Variants in PAX3 observed in about 807,000 individuals in gnomAD.
The protein encoded by PAX3 is paired box 3, also known as paired box protein Pax-3.
Under a neutral mutation model 51.6 loss-of-function variants are expected in PAX3, and 14 were observed. That is an observed-to-expected ratio of 0.27 (90% CI 0.18 to 0.42). The LOEUF (loss-of-function observed/expected upper bound fraction) is 0.42, where lower values mean the gene tolerates loss of function less well. Ranked by LOEUF, PAX3 falls within the 10% of genes least tolerant of loss-of-function variation. The pLI is 1.00. For missense variants in PAX3, 540 were observed against 642.8 expected, an observed-to-expected ratio of 0.84 and a Z score of 1.73; for synonymous variants, 280 against 253.4, an observed-to-expected ratio of 1.11 and a Z score of -1.00.
intron 4 of PAX3, chr2:222,233,096 AAAAAAAAAAAAAG>A: frequency 6.8e-6 from 1 of 147,684 alleles, no homozygotes; most frequent in Admixed American, 6.9e-5. Flanking sequence ...AAAAAAAAAA[AAAAAAAAAAAAAG>A]TATGATCCCT....
intron 7 of PAX3, among the ~76,000 whole-genome samples, chr2:222,212,622 A>AACACACAC (rs57019405): frequency 8.1e-5 from 12 of 148,038 alleles, no homozygotes; most frequent in African/African-American, 1.7e-4. Flanking sequence ...TGGAAAAACA[A>AACACACAC]ACACACACAC....
chr2:222,253,885 G>A (rs1202805094), intron 4 of PAX3, among the ~76,000 whole-genome samples: 1 of 152,056 alleles, frequency 6.6e-6, no homozygotes, highest in African/African-American at 2.4e-5. Context: ...AAACTCCTGG[G>A]CACAAGCAAT....
chr2:222,236,355 A>G (rs1408353335), intron 4 of PAX3, among the ~76,000 whole-genome samples: 3 of 152,116 alleles, frequency 2.0e-5, no homozygotes, highest in Middle Eastern at 6.3e-3. Flanking sequence ...CAGCCTCCCA[A>G]ATAGCTGGGA....
chr2:222,239,135 T>C (rs1435114489), intron 4 of PAX3, among the ~76,000 whole-genome samples: 2 of 152,216 alleles, frequency 1.3e-5, no homozygotes, highest in South Asian at 2.1e-4. Flanking sequence ...GGATTTTTGT[T>C]GACTTATTTG....
chr2:222,285,833 T>C (rs45559733), intron 4 of PAX3, among the ~76,000 whole-genome samples: 328 of 152,362 alleles, frequency 2.2e-3, no homozygotes, highest in African/African-American at 7.6e-3. Context: ...ATCCATATGA[T>C]CCTGTAAATT....
intron 4 of PAX3, among the ~76,000 whole-genome samples, chr2:222,292,183 G>C (rs981188873): frequency 1.8e-4 from 28 of 152,204 alleles, no homozygotes; most frequent in African/African-American, 6.5e-4. Flanking sequence ...AAAACTTCCC[G>C]GCGCAGCAGC....
At chr2:222,229,695 C>A (rs1692514071) in intron 5 of PAX3, among the ~76,000 whole-genome samples, 1 of 152,196 alleles carries the variant, frequency 6.6e-6, no homozygotes, top group Non-Finnish European at 1.5e-5. Flanking sequence ...CTTCCACCAC[C>A]CTACCACTCC....
intron 5 of PAX3, among the ~76,000 whole-genome samples, chr2:222,227,987 T>A: frequency 6.6e-6 from 1 of 152,180 alleles, no homozygotes; most frequent in Non-Finnish European, 1.5e-5. Flanking sequence ...GGGGGGTGTT[T>A]CGTGTTTGGT....
intron 4 of PAX3, among the ~76,000 whole-genome samples, chr2:222,241,118 G>A (rs1464483101): frequency 1.3e-5 from 2 of 152,174 alleles, no homozygotes; most frequent in Non-Finnish European, 2.9e-5. Flanking sequence ...TCTAAAAGCA[G>A]TAAGCTAAAT....
chr2:222,225,344 A>C (rs1692345941), intron 5 of PAX3, among the ~76,000 whole-genome samples: 1 of 152,170 alleles, frequency 6.6e-6, no homozygotes, highest in Non-Finnish European at 1.5e-5. Context: ...CTAGTAGTAT[A>C]ATGTCCAATG....
At chr2:222,290,523 A>G (rs181648710) in intron 4 of PAX3, among the ~76,000 whole-genome samples, 101 of 152,230 alleles carry the variant, frequency 6.6e-4, no homozygotes, top group African/African-American at 2.3e-3. Context: ...GTCTTATGAG[A>G]GTGTATCGCC....
At chr2:222,233,125 A>G (rs911424204) in intron 4 of PAX3, 2 of 149,766 alleles carry the variant, frequency 1.3e-5, no homozygotes, top group African/African-American at 4.9e-5. Flanking sequence ...TCCCTTTTGT[A>G]AAAAAATATT....
intron 2 of PAX3, 75 bp from the exon 3 acceptor site, chr2:222,295,732 G>T: frequency 6.4e-7 from 1 of 1,550,958 alleles, no homozygotes; most frequent in Non-Finnish European, 8.9e-7. Flanking sequence ...CCGCCTCTGG[G>T]CCTGTCGGGA....
intron 7 of PAX3, among the ~76,000 whole-genome samples, chr2:222,216,603 A>G (rs1398298484): frequency 6.6e-6 from 1 of 152,200 alleles, no homozygotes; most frequent in Non-Finnish European, 1.5e-5. Flanking sequence ...GAGGGCATCT[A>G]TGATGCGCCA....
In PAX3 at chr2:222,221,301, C is replaced by A. The variant is rs45522331; in HGVS notation, c.879G>T (p.Gly293=). 1.2e-3 allele frequency: 1,873 copies of A among 1,613,790 alleles called. 20 individuals are homozygous for A. The African/African-American group carries it at 0.023, about 20-fold the overall frequency. ...AGGTCGGCATGGCAGTGGGAGGGAACCCCCCGGGAATGAGATGGTTGAAAG... is the reference window on the plus strand; with the variant it reads ...AGGTCGGCATGGCAGTGGGAGGGAAACCCCCGGGAATGAGATGGTTGAAAG... ...LMAFNHLIPG[G]FPPTAMPTLP... The change falls in exon 6 of 9, where the codon GGG becomes GGT. Residue 293 remains glycine, a synonymous_variant. Transcript: ENST00000392070.
chr2:222,280,521 G>A (rs950741546), intron 4 of PAX3, among the ~76,000 whole-genome samples: 3 of 152,120 alleles, frequency 2.0e-5, no homozygotes, highest in Non-Finnish European at 2.9e-5. Context: ...AAGGTATGCC[G>A]GGAAATGAGT....
intron 5 of PAX3, among the ~76,000 whole-genome samples, chr2:222,225,109 G>C (rs1692336160): frequency 6.6e-6 from 1 of 152,180 alleles, no homozygotes; most frequent in Non-Finnish European, 1.5e-5. Context: ...GCACAAATTT[G>C]TCAGTAACCT....
intron 4 of PAX3, among the ~76,000 whole-genome samples, chr2:222,241,233 C>T (rs1461188449): frequency 1.3e-5 from 2 of 152,142 alleles, no homozygotes. Flanking sequence ...GGCCAAGTGA[C>T]TTTTATTTAC....
chr2:222,295,847 T>G (rs1445685128), intron 2 of PAX3, among the ~76,000 whole-genome samples, 190 bp from the exon 3 acceptor site: 1 of 151,984 alleles, frequency 6.6e-6, no homozygotes, highest in Non-Finnish European at 1.5e-5. Context: ...TCCCATCCCA[T>G]CCCGGAGCAG....
Sources: gnomAD v4.1 joint callset for allele counts (sites outside exome capture counted in the v4.1 genomes callset) on GRCh38, gnomAD v4.1.1 for gene constraint, MANE v1.5 for transcripts, NCBI Gene and HGNC (gene_info 2026-07-23, HGNC 2026-07-21) for gene names.